The following RXRA variants were observed in gnomAD, a reference collection of about 807,000 sequenced individuals.
RXRA encodes the protein retinoic acid receptor RXR-alpha.
In RXRA, 5 loss-of-function variants were observed where a neutral mutation model predicts 44.5. The ratio of observed to expected loss-of-function variants is 0.11; its 90% CI spans 0.06 to 0.24. The LOEUF (loss-of-function observed/expected upper bound fraction) is 0.24. RXRA is among the 10% of genes least tolerant of loss of function. The pLI, the probability that RXRA is intolerant of heterozygous loss-of-function variation, is 1.00. For synonymous variants in RXRA, 291 were observed against 271.4 expected (o/e 1.07, Z -0.71); for missense variants, 412 against 646.5 (o/e 0.64, Z 3.93).
chr9:134,418,474 C>T (rs1056412385), intron 5 of RXRA, among the ~76,000 whole-genome samples: 2 of 152,142 alleles, frequency 1.3e-5, no homozygotes, highest in African/African-American at 4.8e-5. Flanking sequence ...AACCTCTGTC[C>T]CTCTGTGGGC....
At chr9:134,394,248 G>C (rs960221555) in intron 1 of RXRA, among the ~76,000 whole-genome samples, 13 of 142,650 alleles carry the variant, frequency 9.1e-5, no homozygotes, top group African/African-American at 3.5e-4. Flanking sequence ...GGTGATGACG[G>C]TGGTGATGAT....
At chr9:134,425,165 A>G in intron 6 of RXRA, 2 of 985,384 alleles carry the variant, frequency 2.0e-6, no homozygotes, top group Non-Finnish European at 2.4e-6. Flanking sequence ...ACAGCCCTGC[A>G]GGGGCCCAGA....
At chr9:134,436,351 C>A in intron 9 of RXRA, 116 bp from the exon 10 acceptor site, 2 of 1,037,894 alleles carry the variant, frequency 1.9e-6, no homozygotes, top group Non-Finnish European at 2.8e-6. Context: ...GGGCTACAGA[C>A]CAGCCTCAGA....
chr9:134,363,274 C>T (rs550108352), intron 1 of RXRA, among the ~76,000 whole-genome samples: 19 of 152,366 alleles, frequency 1.2e-4, no homozygotes, highest in African/African-American at 2.2e-4. Flanking sequence ...TGTCCTCTCC[C>T]AGTCCAGCAT....
At chr9:134,380,570 G>A (rs561171611) in intron 1 of RXRA, among the ~76,000 whole-genome samples, 1 of 152,160 alleles carries the variant, frequency 6.6e-6, no homozygotes, top group Non-Finnish European at 1.5e-5. Flanking sequence ...GGTGTCCAGG[G>A]ACTGGACTTG....
intron 2 of RXRA, chr9:134,404,738 G>A (rs1201570605): frequency 1.3e-5 from 2 of 152,382 alleles, no homozygotes. Context: ...AGAGGAGCTG[G>A]TTTGCTCCTG....
chr9:134,359,407 C>T lies in RXRA; in HGVS notation c.28+32748C>T, dbSNP rs563495157. 2.0e-5 allele frequency among the ~76,000 whole-genome samples: 3 copies of T among 152,294 alleles called. No homozygotes were observed. The East Asian group carries it at 5.8e-4, about 29-fold the overall frequency. On this transcript the variant is annotated intron_variant, in intron 1 of 9. Transcript: ENST00000481739. Reference sequence around the variant, plus strand: ...GCAGGTGTGCCCCAGCCCACCTCCCCTCCCTTCCCAGGCTCCATTCTGCCT... The same window carrying T: ...GCAGGTGTGCCCCAGCCCACCTCCCTTCCCTTCCCAGGCTCCATTCTGCCT...
In RXRA at chr9:134,426,024, C is replaced by T; in HGVS notation, c.911-3084C>T. 1 of 985,392 alleles carries T rather than the reference C, an allele frequency of 1.0e-6. No individual in the cohort carries two copies. Among genetic ancestry groups the T allele is most frequent in the Non-Finnish European group, 1.2e-6 (1 of 829,924 alleles). 61.0% of individuals were successfully genotyped at this position (985,392 alleles called of 1,614,324 possible). A position where few individuals can be genotyped will look rare whatever the true frequency, so the allele number is the denominator to read the frequency against. ...CTTCCGGAAGCGCTGTCCAGGGGTC[C>T]TGCAACCCCAGCAGAGGCCCTGAGC... On this transcript the variant is annotated intron_variant, in intron 6 of 9. Transcript: ENST00000481739. This position sits in a 1 kb window ranked among gnomAD's most constrained non-coding sequence, Gnocchi z 4.6.
chr9:134,414,540 G>A (rs892854861), intron 4 of RXRA, among the ~76,000 whole-genome samples: 4 of 152,280 alleles, frequency 2.6e-5, no homozygotes, highest in Non-Finnish European at 4.4e-5. Flanking sequence ...CCACACGGCT[G>A]CTTGGGCTGT....
At chr9:134,435,201 T>A (rs1199049166) in intron 9 of RXRA, among the ~76,000 whole-genome samples, 1 of 152,184 alleles carries the variant, frequency 6.6e-6, no homozygotes, top group Non-Finnish European at 1.5e-5. Context: ...TAATAATTAA[T>A]GAGGTCCTGC....
chr9:134,357,102 T>G (rs1830292826), intron 1 of RXRA, among the ~76,000 whole-genome samples: 1 of 144,014 alleles, frequency 6.9e-6, no homozygotes, highest in South Asian at 2.5e-4. Flanking sequence ...GCCCACACCC[T>G]GAATCTCCTT....
intron 6 of RXRA, 38 bp downstream of exon 6, chr9:134,421,843 G>A (rs1332449052): frequency 6.2e-7 from 1 of 1,609,532 alleles, no homozygotes; most frequent in South Asian, 1.1e-5. Context: ...GGGATGCCAT[G>A]CAGATGGGAC....
chr9:134,346,438 T>G (rs1398138393), intron 1 of RXRA, among the ~76,000 whole-genome samples: 1 of 152,194 alleles, frequency 6.6e-6, no homozygotes, highest in Non-Finnish European at 1.5e-5. Context: ...TGCCGTGGCC[T>G]CACCCCCACT....
intron 1 of RXRA, among the ~76,000 whole-genome samples, chr9:134,390,877 G>A (rs757859091): frequency 1.3e-5 from 2 of 152,236 alleles, no homozygotes; most frequent in Non-Finnish European, 2.9e-5. Flanking sequence ...TGGGAAGGAT[G>A]CTGCGTGCTA....
intron 1 of RXRA, among the ~76,000 whole-genome samples, chr9:134,347,729 G>T (rs1333230535): frequency 2.0e-5 from 3 of 152,210 alleles, no homozygotes; most frequent in East Asian, 3.8e-4. Context: ...CAGGGGAACG[G>T]TGTGTGCAAA....
intron 1 of RXRA, among the ~76,000 whole-genome samples, chr9:134,347,607 C>T (rs374961009): frequency 4.6e-5 from 7 of 152,152 alleles, no homozygotes; most frequent in East Asian, 1.9e-4. Flanking sequence ...TCCAGGTATG[C>T]GGAGGGTCAC....
chr9:134,338,888 G>T (rs1018523324), intron 1 of RXRA, among the ~76,000 whole-genome samples: 1 of 152,234 alleles, frequency 6.6e-6, no homozygotes, highest in African/African-American at 2.4e-5. Flanking sequence ...GACAGCCGCC[G>T]TTCTGCCCTC....
chr9:134,369,702 G>A (rs893354434), intron 1 of RXRA, among the ~76,000 whole-genome samples: 2 of 151,986 alleles, frequency 1.3e-5, no homozygotes, highest in Admixed American at 6.5e-5. Flanking sequence ...TGACCTGCTC[G>A]GTGGCCTTGG....
At chr9:134,368,649 G>T (rs1830445878) in intron 1 of RXRA, among the ~76,000 whole-genome samples, 3 of 151,904 alleles carry the variant, frequency 2.0e-5, no homozygotes, top group Middle Eastern at 3.4e-3. Context: ...GTGTGTGTGT[G>T]AGGGTGTGTG....
Sources: gnomAD v4.1 joint callset for allele counts (sites outside exome capture counted in the v4.1 genomes callset) on GRCh38, gnomAD v4.1.1 for gene constraint, Gnocchi (gnomAD v3.1) non-coding constraint, MANE v1.5 for transcripts, NCBI Gene and HGNC (gene_info 2026-07-23, HGNC 2026-07-21) for gene names.